Variants in CNTLN observed in about 807,000 individuals in gnomAD.
CNTLN encodes centlein.
A neutral mutation model predicts 180.0 loss-of-function variants in CNTLN; 212 were observed. The ratio of observed to expected loss-of-function variants is 1.18; its 90% CI spans 1.05 to 1.32. The LOEUF is 1.32. CNTLN is among the 40% of genes most tolerant of loss of function. The pLI, the probability that CNTLN is intolerant of heterozygous loss-of-function variation, is 0.00. For missense variants in CNTLN, 2,095 were observed against 1,610.9 expected, an observed-to-expected ratio of 1.30 and a Z score of -5.14; for synonymous variants, 722 against 563.1, an observed-to-expected ratio of 1.28 and a Z score of -3.99.
Position 17,135,418 on chromosome 9 carries a change from T to C in CNTLN, c.353T>C (p.Leu118Pro). 6.3e-7 allele frequency: 1 copy of C among 1,595,806 alleles called. No homozygotes were observed. Among genetic ancestry groups the C allele is most frequent in the Non-Finnish European group, 8.5e-7 (1 of 1,172,532 alleles). ...ELSSLKEELA[L>P]CQADKEFVWS... is the part of the protein sequence containing the mutation. ...AGCAGCCTAAAGGAGGAGTTGGCCC[T>C]GTGTCAGGTATCGAGGAGTCTCGCA... Residue 118 changes from leucine to proline, a missense_variant, in exon 1 of 26, where the codon CTG becomes CCG. Transcript: ENST00000380647.
chr9:17,430,149 G>T (rs1260079312), intron 18 of CNTLN, among the ~76,000 whole-genome samples: 2 of 151,802 alleles, frequency 1.3e-5, no homozygotes, highest in African/African-American at 4.8e-5. Context: ...ACTTTTAAAT[G>T]TAACTAATAT....
At chr9:17,459,317 C>G (rs1406816690) in intron 19 of CNTLN, among the ~76,000 whole-genome samples, 3 of 151,776 alleles carry the variant, frequency 2.0e-5, no homozygotes, top group Non-Finnish European at 4.4e-5. Context: ...TAAGTTTTTA[C>G]CCCACATACA....
At chr9:17,242,531 G>A (rs1015693964) in intron 5 of CNTLN, among the ~76,000 whole-genome samples, 10 of 152,008 alleles carry the variant, frequency 6.6e-5, no homozygotes, top group African/African-American at 1.9e-4. Flanking sequence ...GGCTGGTCTC[G>A]AACTCCTGAC....
intron 2 of CNTLN, among the ~76,000 whole-genome samples, chr9:17,172,106 G>C (rs959189123): frequency 4.2e-4 from 64 of 152,172 alleles, no homozygotes; most frequent in Admixed American, 1.8e-3. Context: ...GTGAGGTTGC[G>C]GCGGGTGGCA....
intron 2 of CNTLN, among the ~76,000 whole-genome samples, chr9:17,176,056 T>G (rs531846207): frequency 1.3e-5 from 2 of 152,188 alleles, no homozygotes; most frequent in African/African-American, 4.8e-5. Context: ...GCAAGTGGAG[T>G]TTTATTTCTT....
chr9:17,301,507 T>C, intron 7 of CNTLN: 1 of 984,990 alleles, frequency 1.0e-6, no homozygotes, highest in Non-Finnish European at 1.2e-6. Flanking sequence ...CTAGATTGAA[T>C]ATCATTTTTC....
At chr9:17,178,465 G>C (rs923878558) in intron 2 of CNTLN, among the ~76,000 whole-genome samples, 5 of 152,268 alleles carry the variant, frequency 3.3e-5, no homozygotes, top group African/African-American at 1.2e-4. Flanking sequence ...AATAGGGAGT[G>C]GTGCTGGTTA....
chr9:17,473,292 C>G (rs2134248251), intron 23 of CNTLN, among the ~76,000 whole-genome samples: 1 of 152,324 alleles, frequency 6.6e-6, no homozygotes, highest in Admixed American at 6.5e-5. Flanking sequence ...CTTAGCCACT[C>G]AATCTCAGCT....
Position 17,353,598 on chromosome 9 carries a change from G to GT in CNTLN, c.1886+11169dup, listed in dbSNP as rs35444065. ...TTTTTATTGTAATAGTTTTGTTTTC[G>GT]TTTTTTTTTTTTTTTAACTGAGACG... is the stretch of plus-strand genomic sequence containing the variant. On this transcript the variant is annotated intron_variant, in intron 12 of 25. Coordinates refer to ENST00000380647, the MANE Select transcript of CNTLN (RefSeq NM_017738.4). 9.7e-4 allele frequency among the ~76,000 whole-genome samples: 136 copies of GT among 140,118 alleles called. 1 individual carries two copies. The highest frequency in any genetic ancestry group is 7.6e-3 in the Middle Eastern group (2 of 262). 91.9% of individuals were successfully genotyped at this position (140,118 alleles called of 152,430 possible).
chr9:17,302,002 T>C, intron 7 of CNTLN: 1 of 981,538 alleles, frequency 1.0e-6, no homozygotes, highest in Non-Finnish European at 1.2e-6. Flanking sequence ...TTATTTGTTT[T>C]ACTATTGTAA....
chr9:17,497,843 C>T (rs10963117), intron 25 of CNTLN, among the ~76,000 whole-genome samples: 54,693 of 151,960 alleles, frequency 0.36, 10,259 homozygotes, highest in East Asian at 0.53. Flanking sequence ...TACAAGATAA[C>T]AGAGTGGATG....
Position 17,466,843 on chromosome 9 carries a change from A to G in CNTLN, c.3807A>G (p.Thr1269=). Residue 1269 remains threonine (T), a synonymous_variant, in exon 23 of 26, where the codon ACA becomes ACG. Coordinates refer to ENST00000380647, the MANE Select transcript of CNTLN (RefSeq NM_017738.4). The part of the protein sequence containing the change: ...SEQVLEGAQK[T]LLLANEKVEE... ...AGGTCCTAGAAGGTGCACAGAAGAC[A>G]TTGCTGTTAGCCAATGAAAAAGTAG... 2 of 1,610,618 alleles carry G rather than the reference A, an allele frequency of 1.2e-6. No homozygotes were observed. Among genetic ancestry groups the G allele is most frequent in the African/African-American group, 1.3e-5 (1 of 74,738 alleles).
intron 7 of CNTLN, among the ~76,000 whole-genome samples, chr9:17,304,332 C>T (rs1309982049): frequency 1.3e-5 from 2 of 152,046 alleles, no homozygotes; most frequent in African/African-American, 2.4e-5. Flanking sequence ...AGCATGTAGC[C>T]GTTCATACAA....
chr9:17,302,103 CACACACACACACACACAG>C lies in CNTLN; in HGVS notation c.1146+3764_1146+3781del, dbSNP rs1295169069. ...ACACATATGTGTACACACACACACA[CACACACACACACACACAG>C]ACACACACACACTGACCTATCCACC... On this transcript the variant is annotated intron_variant, in intron 7 of 25. Coordinates refer to ENST00000380647, the MANE Select transcript of CNTLN (RefSeq NM_017738.4). The C allele has an allele frequency of 2.4e-3, 1,976 of 815,234 alleles. 2 individuals are homozygous for C. The highest frequency in any genetic ancestry group is 3.3e-3 in the Admixed American group (43 of 12,864). 50.5% of individuals were successfully genotyped at this position (815,234 alleles called of 1,614,324 possible). A position where few individuals can be genotyped will look rare whatever the true frequency, so the allele number is the denominator to read the frequency against.
At chr9:17,480,651 T>C (rs1334663159) in intron 23 of CNTLN, among the ~76,000 whole-genome samples, 1 of 152,098 alleles carries the variant, frequency 6.6e-6, no homozygotes, top group Non-Finnish European at 1.5e-5. Flanking sequence ...AACAGAAAAA[T>C]TGTTTTAGCT....
chr9:17,448,038 T>C (rs1321486704), intron 18 of CNTLN: 1 of 154,088 alleles, frequency 6.5e-6, no homozygotes, highest in African/African-American at 2.4e-5. Context: ...AAGCGTCTTT[T>C]GTTCCATGGG....
chr9:17,176,756 C>T (rs1462543526), intron 2 of CNTLN, among the ~76,000 whole-genome samples: 2 of 152,140 alleles, frequency 1.3e-5, no homozygotes, highest in African/African-American at 4.8e-5. Context: ...ATTCGCTTTC[C>T]TTAATAGTTA....
chr9:17,456,332 A>G (rs913256941), intron 18 of CNTLN, among the ~76,000 whole-genome samples: 4 of 152,180 alleles, frequency 2.6e-5, no homozygotes, highest in Non-Finnish European at 5.9e-5. Context: ...AAATCTATAG[A>G]ACCATACTTT....
intron 2 of CNTLN, among the ~76,000 whole-genome samples, chr9:17,174,922 T>C (rs970123609): frequency 1.1e-4 from 16 of 152,318 alleles, no homozygotes; most frequent in African/African-American, 2.2e-4. Context: ...CATCTTTTCC[T>C]GTATTCATTT....
Sources: gnomAD v4.1 joint callset for allele counts (sites outside exome capture counted in the v4.1 genomes callset) on GRCh38, gnomAD v4.1.1 for gene constraint, MANE v1.5 for transcripts, NCBI Gene and HGNC (gene_info 2026-07-23, HGNC 2026-07-21) for gene names.